Variants in FGFR1 observed in about 807,000 individuals in gnomAD.
FGFR1 encodes the protein fibroblast growth factor receptor 1.
A neutral mutation model predicts 93.7 loss-of-function variants in FGFR1; 18 were observed. The observed-to-expected ratio is 0.19, with a 90% CI of 0.13 to 0.28. The LOEUF (loss-of-function observed/expected upper bound fraction) is 0.28, where lower values mean the gene tolerates loss of function less well. Among genes scored for constraint, FGFR1 ranks in the 10% least tolerant of loss-of-function variants. FGFR1 has a pLI of 1.00. For synonymous variants in FGFR1, 448 were observed against 429.3 expected (o/e 1.04, Z -0.54); for missense variants, 731 against 1,080.4 (o/e 0.68, Z 4.53).
At position 38,412,417 on chromosome 8, in the gene FGFR1, C is replaced by T. The variant is rs185104092; in HGVS notation, c.*1211G>A. 8.6e-6 allele frequency: 2 copies of T among 232,456 alleles called. No homozygotes were observed. The highest frequency in any genetic ancestry group is 1.7e-5 in the Non-Finnish European group (2 of 117,610). 14.4% of individuals were successfully genotyped at this position (232,456 alleles called of 1,614,324 possible). ...GGTAGGTGCCCCCTCCCCAGCCCAA[C>T]CCCACCGGTTTCCTTGGAGGAAACC... On this transcript the variant is annotated 3_prime_UTR_variant, in exon 18 of 18. Transcript: ENST00000447712.
Position 38,427,824 on chromosome 8 carries a change from A to G in FGFR1, c.621+97T>C. 3 of 1,342,278 alleles carry G rather than the reference A, an allele frequency of 2.2e-6. No individual in the cohort carries two copies. The South Asian group carries it at 3.6e-5, about 16-fold the overall frequency. The allele number at this position is 1,342,278 out of a possible 1,614,324, so 83.1% of individuals were successfully genotyped here. ...TAATGAATAACCTGTATAGGTGGAA[A>G]GTATTACTTAAAAAAATGAAAAGCA... On this transcript the variant is annotated intron_variant, in intron 5 of 17. Transcript: ENST00000447712.
In FGFR1 at chr8:38,411,250, T is replaced by A. The variant is rs1465343381; in HGVS notation, c.*2378A>T. Reference sequence around the variant, plus strand: ...TCACTGTAATTATGATAGTGCCTTATATTTTTCTAGCACCTCTCCCAAGGA... The same window carrying A: ...TCACTGTAATTATGATAGTGCCTTAAATTTTTCTAGCACCTCTCCCAAGGA... On this transcript the variant is annotated 3_prime_UTR_variant, in exon 18 of 18. Coordinates refer to ENST00000447712, the MANE Select transcript of FGFR1 (RefSeq NM_023110.3). 1 of 208,474 alleles carries A rather than the reference T, an allele frequency of 4.8e-6. No homozygotes were observed. The highest frequency in any genetic ancestry group is 9.8e-6 in the Non-Finnish European group (1 of 102,422). 12.9% of individuals were successfully genotyped at this position (208,474 alleles called of 1,614,324 possible).
At chr8:38,442,150 G>A (rs148795575) in intron 2 of FGFR1, among the ~76,000 whole-genome samples, 64 of 152,294 alleles carry the variant, frequency 4.2e-4, no homozygotes, top group Non-Finnish European at 6.2e-4. Flanking sequence ...GCATCTGCAC[G>A]ATAATAGAAA....
chr8:38,431,173 C>T (rs1246074180), intron 2 of FGFR1, among the ~76,000 whole-genome samples: 3 of 152,202 alleles, frequency 2.0e-5, no homozygotes, highest in Non-Finnish European at 2.9e-5. Context: ...CCCTCAGCCC[C>T]TGCTGTGGCT....
intron 2 of FGFR1, among the ~76,000 whole-genome samples, chr8:38,450,187 T>C (rs1830589997): frequency 6.6e-6 from 1 of 151,852 alleles, no homozygotes; most frequent in Non-Finnish European, 1.5e-5. Context: ...CTGGGGAGTA[T>C]GGTGGGTGGG....
intron 2 of FGFR1, among the ~76,000 whole-genome samples, chr8:38,438,606 G>T (rs1022824624): frequency 6.6e-6 from 1 of 152,064 alleles, no homozygotes; most frequent in Non-Finnish European, 1.5e-5. Flanking sequence ...GAAAGATTTG[G>T]GATTAGTCCA....
chr8:38,451,639 A>G (rs574430689), intron 2 of FGFR1, among the ~76,000 whole-genome samples: 1 of 151,966 alleles, frequency 6.6e-6, no homozygotes, highest in Non-Finnish European at 1.5e-5. Context: ...ATTAAGTGCA[A>G]CCTCTCCCCC....
At chr8:38,427,500 G>C (rs1256224850) in intron 5 of FGFR1, among the ~76,000 whole-genome samples, 1 of 152,144 alleles carries the variant, frequency 6.6e-6, no homozygotes, top group Non-Finnish European at 1.5e-5. Context: ...GGCTGGTCTC[G>C]AACTCCTGAG....
At chr8:38,460,962 G>C (rs1007159726) in intron 1 of FGFR1, 11 of 1,121,878 alleles carry the variant, frequency 9.8e-6, no homozygotes, top group Non-Finnish European at 1.4e-5. Context: ...CCCTGCAGCT[G>C]GTTCCCCCCG....
chr8:38,461,022 A>T, intron 1 of FGFR1: 1 of 1,513,324 alleles, frequency 6.6e-7, no homozygotes, highest in African/African-American at 1.4e-5. Context: ...GCCTGCATGC[A>T]GAGGTCCTCG....
intron 9 of FGFR1, among the ~76,000 whole-genome samples, chr8:38,418,849 G>C (rs1440149400): frequency 6.6e-6 from 1 of 152,204 alleles, no homozygotes; most frequent in Non-Finnish European, 1.5e-5. Flanking sequence ...TGGTATGGCT[G>C]AGATGGTTTG....
chr8:38,429,527 C>T lies in FGFR1; in HGVS notation c.358+155G>A, dbSNP rs1057399115. The T allele has an allele frequency of 1.2e-4, 111 of 908,474 alleles. No individual in the cohort carries two copies. The highest frequency in any genetic ancestry group is 1.8e-4 in the Non-Finnish European group (104 of 585,256). 56.3% of individuals were successfully genotyped at this position (908,474 alleles called of 1,614,324 possible). ...TCACCTCTCTGAGAGCCAAGCCACGCGGCAGGCAGGGAGCAATGTTAGTGG... is the reference window on the plus strand; with the variant it reads ...TCACCTCTCTGAGAGCCAAGCCACGTGGCAGGCAGGGAGCAATGTTAGTGG... On this transcript the variant is annotated intron_variant, in intron 3 of 17. Coordinates refer to ENST00000447712, the MANE Select transcript of FGFR1 (RefSeq NM_023110.3). The surrounding 1 kb of genome is among the most constrained non-coding windows in gnomAD (Gnocchi z 4.4).
chr8:38,413,953 C>A lies in FGFR1; in HGVS notation c.2257G>T (p.Asp753Tyr), dbSNP rs2150520515. The part of the protein sequence containing the change: ...QRPTFKQLVE[D>Y]LDRIVALTSN... Reference sequence around the variant, plus strand: ...GTCAAGGCCACGATGCGGTCCAGGTCTTCCACCAGCTGCTTGAAGGTGGGT... The same window carrying A: ...GTCAAGGCCACGATGCGGTCCAGGTATTCCACCAGCTGCTTGAAGGTGGGT... The change falls in exon 17 of 18, where the codon GAC becomes TAC. Residue 753 changes from aspartate (D) to tyrosine (Y), a missense_variant. Coordinates refer to ENST00000447712, the MANE Select transcript of FGFR1 (RefSeq NM_023110.3). This position sits in a 1 kb window ranked among gnomAD's most constrained non-coding sequence, Gnocchi z 4.2. The A allele has an allele frequency of 6.2e-7, 1 of 1,614,120 alleles. No homozygotes were observed. Among genetic ancestry groups the A allele is most frequent in the Non-Finnish European group, 8.5e-7 (1 of 1,180,004 alleles).
chr8:38,461,689 A>G (rs909759770), intron 1 of FGFR1, among the ~76,000 whole-genome samples: 2 of 152,140 alleles, frequency 1.3e-5, no homozygotes, highest in African/African-American at 4.8e-5. Flanking sequence ...TGGGATAGTC[A>G]CTTAACCGTT....
intron 9 of FGFR1, chr8:38,418,620 C>T (rs1256911544): frequency 3.6e-6 from 2 of 561,966 alleles, no homozygotes; most frequent in Non-Finnish European, 6.4e-6. Flanking sequence ...ACCAAATGCA[C>T]CTCTTCCAGC....
rs1814690272 is a variant in FGFR1 at position 38,412,471 on chromosome 8, ACT to A, written c.*1155_*1156del. 1 of 230,814 alleles carries A rather than the reference ACT, an allele frequency of 4.3e-6. No individual in the cohort carries two copies. The highest frequency in any genetic ancestry group is 8.6e-6 in the Non-Finnish European group (1 of 116,636). 14.3% of individuals were successfully genotyped at this position (230,814 alleles called of 1,614,324 possible). A position where few individuals can be genotyped will look rare whatever the true frequency, so the allele number is the denominator to read the frequency against. ...CATGGTCGATGGCTGCTGGGCCTTGACTCTCTGCCCAGCGCCTCTACTGCATG... is the reference window on the plus strand; with the variant it reads ...CATGGTCGATGGCTGCTGGGCCTTGACTCTGCCCAGCGCCTCTACTGCATG... On this transcript the variant is annotated 3_prime_UTR_variant, in exon 18 of 18. Coordinates refer to ENST00000447712, the MANE Select transcript of FGFR1 (RefSeq NM_023110.3).
At chr8:38,434,486 C>T in intron 2 of FGFR1, 1 of 394,606 alleles carries the variant, frequency 2.5e-6, no homozygotes, top group Non-Finnish European at 4.9e-6. Flanking sequence ...CAGTGGGTAG[C>T]TTGTGGATTC....
intron 12 of FGFR1, among the ~76,000 whole-genome samples, chr8:38,416,670 G>A (rs1233759799): frequency 1.3e-5 from 2 of 151,716 alleles, no homozygotes; most frequent in Non-Finnish European, 2.9e-5. Context: ...GGCCAGGCTG[G>A]TCTCCAACTC....
chr8:38,458,528 G>A (rs370000359), intron 1 of FGFR1, among the ~76,000 whole-genome samples: 71 of 152,136 alleles, frequency 4.7e-4, no homozygotes, highest in African/African-American at 1.7e-3. Flanking sequence ...GTGACAGAGT[G>A]AGACTCTGTC....
Sources: allele counts gnomAD v4.1 joint callset (sites outside exome capture counted in the v4.1 genomes callset), GRCh38; gene constraint gnomAD v4.1.1; non-coding constraint Gnocchi (gnomAD v3.1); transcripts MANE v1.5; gene names NCBI Gene and HGNC (gene_info 2026-07-23, HGNC 2026-07-21).